The following TACR1 variants were observed in gnomAD, a reference collection of about 807,000 sequenced individuals.
TACR1 encodes the protein substance-P receptor.
In TACR1, 25 loss-of-function variants were observed where a neutral mutation model predicts 35.8. The ratio of observed to expected loss-of-function variants is 0.70; its 90% CI spans 0.51 to 0.98. TACR1 has a LOEUF of 0.98. Ranked by LOEUF, TACR1 falls within the 50% of genes least tolerant of loss-of-function variation. TACR1 has a pLI of 0.00. For synonymous variants in TACR1, 195 were observed against 206.7 expected (o/e 0.94, Z 0.48); for missense variants, 478 against 522.9 (o/e 0.91, Z 0.84).
intron 4 of TACR1, 47 bp from the exon 5 acceptor site, chr2:75,049,770 C>T (rs773351865): frequency 6.4e-7 from 1 of 1,569,480 alleles, no homozygotes; most frequent in Non-Finnish European, 8.7e-7. Context: ...ACGGCCTGCT[C>T]AGAGGGCTGC....
intron 2 of TACR1, among the ~76,000 whole-genome samples, chr2:75,081,898 CTTT>C (rs573484307): frequency 1.9e-4 from 26 of 133,394 alleles, no homozygotes; most frequent in African/African-American, 6.7e-4. Context: ...ACCAACATTT[CTTT>C]TTTTTTTTTT....
chr2:75,193,194 T>C (rs1226921783), intron 1 of TACR1, among the ~76,000 whole-genome samples: 1 of 152,194 alleles, frequency 6.6e-6, no homozygotes, highest in Non-Finnish European at 1.5e-5. Context: ...ATGGCATTGA[T>C]TGCATTGGGT....
At chr2:75,105,645 T>C (rs1477773885) in intron 2 of TACR1, among the ~76,000 whole-genome samples, 1 of 152,006 alleles carries the variant, frequency 6.6e-6, no homozygotes, top group African/African-American at 2.4e-5. Flanking sequence ...CATACTTTTA[T>C]GAGTTAAATA....
chr2:75,048,420 C>G lies in TACR1; in HGVS notation c.*1012G>C, dbSNP rs1313119523. ...TCCTCTGCTCTGTCAAAAGCCAAAA[C>G]CTTCCATGAGAAGGAATGTACTCAG... On this transcript the variant is annotated 3_prime_UTR_variant, in exon 5 of 5. Transcript: ENST00000305249. 2 of 152,178 alleles carry G rather than the reference C, an allele frequency of 1.3e-5. No homozygotes were observed. Among genetic ancestry groups the G allele is most frequent in the Non-Finnish European group, 2.9e-5 (2 of 68,030 alleles). The allele number at this position is 152,178 out of a possible 1,614,324, so 9.4% of individuals were successfully genotyped here. A position where few individuals can be genotyped will look rare whatever the true frequency, so the allele number is the denominator to read the frequency against.
Position 75,164,051 on chromosome 2 carries a change from G to A in TACR1, c.389+34495C>T, listed in dbSNP as rs138393558. Among the ~76,000 whole-genome samples, 367 of 152,186 alleles carry A rather than the reference G, an allele frequency of 2.4e-3. 2 individuals are homozygous for A. Among genetic ancestry groups the A allele is most frequent in the Non-Finnish European group, 3.5e-3 (235 of 68,004 alleles). On this transcript the variant is annotated intron_variant, in intron 1 of 4. Coordinates refer to ENST00000305249, the MANE Select transcript of TACR1 (RefSeq NM_001058.4). Reference sequence around the variant, plus strand: ...AAACTAAGAAAGCAGGAGTGGGCCGGGTGCAGTGGTTCACAACTGTAATCC... The same window carrying A: ...AAACTAAGAAAGCAGGAGTGGGCCGAGTGCAGTGGTTCACAACTGTAATCC...
chr2:75,186,517 T>C (rs1675708011), intron 1 of TACR1, among the ~76,000 whole-genome samples: 1 of 152,100 alleles, frequency 6.6e-6, no homozygotes, highest in African/African-American at 2.4e-5. Flanking sequence ...GCTAATTCTC[T>C]TTAATAAGTG....
intron 2 of TACR1, among the ~76,000 whole-genome samples, chr2:75,083,043 G>GT (rs1673121864): frequency 1.3e-5 from 2 of 151,968 alleles, no homozygotes; most frequent in Admixed American, 6.5e-5. Context: ...TTCTTCTAGG[G>GT]TTTTTATGGT....
At chr2:75,176,840 G>A (rs1424158073) in intron 1 of TACR1, among the ~76,000 whole-genome samples, 2 of 152,160 alleles carry the variant, frequency 1.3e-5, no homozygotes. Context: ...AGAGGTCTGG[G>A]CTTCTCAGTG....
At chr2:75,102,093 A>C (rs1171591752) in intron 2 of TACR1, among the ~76,000 whole-genome samples, 1 of 152,200 alleles carries the variant, frequency 6.6e-6, no homozygotes, top group East Asian at 1.9e-4. Flanking sequence ...CTGCTTTTGA[A>C]CTCAGGCCAC....
intron 1 of TACR1, among the ~76,000 whole-genome samples, chr2:75,135,737 A>G (rs1442843981): frequency 1.3e-5 from 2 of 152,186 alleles, no homozygotes; most frequent in Non-Finnish European, 2.9e-5. Flanking sequence ...CTTCAGCATG[A>G]TGATTGCTGA....
intron 2 of TACR1, among the ~76,000 whole-genome samples, chr2:75,083,297 G>A (rs1355275293): frequency 6.6e-6 from 1 of 152,092 alleles, no homozygotes; most frequent in African/African-American, 2.4e-5. Flanking sequence ...CTCTGTTTTG[G>A]TACCAGTACC....
chr2:75,092,864 A>G (rs1380047573), intron 2 of TACR1, among the ~76,000 whole-genome samples: 6 of 152,208 alleles, frequency 3.9e-5, no homozygotes, highest in Non-Finnish European at 7.3e-5. Context: ...CACTAGACCA[A>G]TCTCACTGAT....
chr2:75,150,076 A>G (rs775244855), intron 1 of TACR1, among the ~76,000 whole-genome samples: 1 of 152,180 alleles, frequency 6.6e-6, no homozygotes, highest in African/African-American at 2.4e-5. Context: ...CCAGCCTTGC[A>G]TCCCAGAGAT....
At chr2:75,075,921 C>T (rs1672966696) in intron 2 of TACR1, among the ~76,000 whole-genome samples, 1 of 152,186 alleles carries the variant, frequency 6.6e-6, no homozygotes, top group Non-Finnish European at 1.5e-5. Flanking sequence ...CACCATAAAG[C>T]TATAACTTGT....
At chr2:75,124,638 A>G (rs1175325435) in intron 1 of TACR1, among the ~76,000 whole-genome samples, 2 of 152,236 alleles carry the variant, frequency 1.3e-5, no homozygotes, top group Non-Finnish European at 2.9e-5. Flanking sequence ...ATATAGTTTC[A>G]GTTGTAATTA....
At chr2:75,149,501 A>G (rs1283101201) in intron 1 of TACR1, among the ~76,000 whole-genome samples, 2 of 152,088 alleles carry the variant, frequency 1.3e-5, no homozygotes, top group African/African-American at 4.8e-5. Context: ...CTTTGTAGCA[A>G]TTGTGAATGG....
Position 75,156,581 on chromosome 2 carries a change from T to C in TACR1, c.390-35813A>G, listed in dbSNP as rs189969895. Reference sequence around the variant, plus strand: ...TCATGCCACTGCCCTCCAGCCTGGGTAACAGAGCGAGACTCCGTCTCAAAA... The same window carrying C: ...TCATGCCACTGCCCTCCAGCCTGGGCAACAGAGCGAGACTCCGTCTCAAAA... On this transcript the variant is annotated intron_variant, in intron 1 of 4. Transcript: ENST00000305249. Among the ~76,000 whole-genome samples, 542 of 119,948 alleles carry C rather than the reference T, an allele frequency of 4.5e-3. 1 individual carries two copies. The highest frequency in any genetic ancestry group is 0.015 in the African/African-American group (489 of 31,642). 78.7% of individuals were successfully genotyped at this position (119,948 alleles called of 152,430 possible).
chr2:75,154,325 A>G (rs1674750104), intron 1 of TACR1: 1 of 152,024 alleles, frequency 6.6e-6, no homozygotes, highest in Non-Finnish European at 1.5e-5. Flanking sequence ...GTCACAAGGA[A>G]GGACTGCTTT....
At chr2:75,127,928 T>C (rs1461263640) in intron 1 of TACR1, among the ~76,000 whole-genome samples, 4 of 152,212 alleles carry the variant, frequency 2.6e-5, no homozygotes, top group African/African-American at 7.2e-5. Flanking sequence ...CCACATTCTA[T>C]TGAATACCCT....
Sources: gnomAD v4.1 joint callset for allele counts (sites outside exome capture counted in the v4.1 genomes callset) on GRCh38, gnomAD v4.1.1 for gene constraint, MANE v1.5 for transcripts, NCBI Gene and HGNC (gene_info 2026-07-23, HGNC 2026-07-21) for gene names.